Variants in CGB5 observed in about 807,000 individuals in gnomAD.
CGB5 encodes the protein chorionic gonadotropin subunit beta 5.
In CGB5, 2 loss-of-function variants were observed where a neutral mutation model predicts 7.6. That is an observed-to-expected ratio of 0.26 (90% CI 0.11 to 0.83). The LOEUF is 0.83. CGB5 is among the 40% of genes least tolerant of loss of function. The pLI is 0.65. For synonymous variants in CGB5, 25 were observed against 99.8 expected (o/e 0.25, Z 4.47); for missense variants, 48 against 228.2 (o/e 0.21, Z 5.09).
intron 1 of CGB5, 135 bp from the exon 2 acceptor site, chr19:49,044,442 C>T: frequency 1.4e-6 from 2 of 1,464,178 alleles, no homozygotes; most frequent in Admixed American, 5.0e-5. Flanking sequence ...AGGCAGGTGT[C>T]CGGGTGGTGG....
At chr19:49,044,409 T>C (rs2039917127) in intron 1 of CGB5, 168 bp from the exon 2 acceptor site, 1 of 982,014 alleles carries the variant, frequency 1.0e-6, no homozygotes, top group Admixed American at 6.2e-5. Context: ...TCAGGTCCTC[T>C]GGGCTGTGGG....
rs1414755484 is a variant in CGB5 at position 49,044,914 on chromosome 19, C to T, written c.184-66C>T. The T allele has an allele frequency of 1.8e-5, 29 of 1,591,484 alleles. 1 individual carries two copies. Among genetic ancestry groups the T allele is most frequent in the East Asian group, 2.2e-5 (1 of 44,834 alleles). ...CTGAGTCTGAGACCTGTGGGGGCAA[C>T]TGGGGAGCTCAGCTGAGGCGCTGGC... On this transcript the variant is annotated intron_variant, in intron 2 of 2. Coordinates refer to ENST00000301408, the MANE Select transcript of CGB5 (RefSeq NM_033043.2).
intron 1 of CGB5, 30 bp downstream of exon 1, chr19:49,044,254 C>A: frequency 6.2e-7 from 1 of 1,612,896 alleles, no homozygotes; most frequent in East Asian, 2.2e-5. Context: ...GGGCACCTTC[C>A]ACCTCCTTCC....
intron 1 of CGB5, 131 bp downstream of exon 1, chr19:49,044,355 G>A (rs2039916277): frequency 3.1e-6 from 5 of 1,603,944 alleles, no homozygotes; most frequent in South Asian, 1.1e-5. Context: ...TAAGCTTCAG[G>A]TGGGGCAGTT....
rs1379616139 is a variant in CGB5 at position 49,044,045 on chromosome 19, C to T, written c.-165C>T. Reference sequence around the variant, plus strand: ...GACCAGTGAGAGGAGAGGGCTGGGGCGCTCCGCTGAGCCACTCCTGCGCCC... The same window carrying T: ...GACCAGTGAGAGGAGAGGGCTGGGGTGCTCCGCTGAGCCACTCCTGCGCCC... On this transcript the variant is annotated 5_prime_UTR_variant, in exon 1 of 3. Coordinates refer to ENST00000301408, the MANE Select transcript of CGB5 (RefSeq NM_033043.2). 5.7e-5 allele frequency: 63 copies of T among 1,112,976 alleles called. No individual in the cohort carries two copies. Among genetic ancestry groups the T allele is most frequent in the South Asian group, 2.7e-4 (17 of 63,264 alleles). The allele number at this position is 1,112,976 out of a possible 1,614,324, so 68.9% of individuals were successfully genotyped here.
At position 49,044,250 on chromosome 19, in the gene CGB5, C is replaced by T. The variant is rs760156777; in HGVS notation, c.15+26C>T. On this transcript the variant is annotated intron_variant, in intron 1 of 2. Transcript: ENST00000301408. ...GTAAGACTGCAGGGCCCCTGGGCAC[C>T]TTCCACCTCCTTCCAGGCAATCACT... The T allele has an allele frequency of 4.3e-6, 7 of 1,612,846 alleles. No homozygotes were observed. In the South Asian group the frequency reaches 6.6e-5, roughly 15 times the overall value.
rs2122172214 is a variant in CGB5 at position 49,044,670 on chromosome 19, G to T, written c.109G>T (p.Ala37Ser). 2 of 1,572,216 alleles carry T rather than the reference G, an allele frequency of 1.3e-6. No homozygotes were observed. The highest frequency in any genetic ancestry group is 2.3e-5 in the East Asian group (1 of 44,208). Residue 37 changes from alanine (A) to serine (S), a missense_variant, in exon 2 of 3, where the codon GCT becomes TCT. Ala to Ser is a moderately conservative substitution (Grantham distance 99). Transcript: ENST00000301408. ...GTGCCGCCCCATCAATGCCACCCTG[G>T]CTGTGGAGAAGGAGGGCTGCCCCGT... ...PRCRPINATL[A>S]VEKEGCPVCI...
chr19:49,045,308 C>A lies in CGB5; in HGVS notation c.*14C>A. 6.2e-7 allele frequency: 1 copy of A among 1,611,342 alleles called. No homozygotes were observed. The highest frequency in any genetic ancestry group is 2.2e-5 in the East Asian group (1 of 44,874). ...CTCCCACAATAAAGGCTTCTCAATC[C>A]GCACTCTGGAGGTGTCTTTCTGTGG... On this transcript the variant is annotated 3_prime_UTR_variant, in exon 3 of 3. Coordinates refer to ENST00000301408, the MANE Select transcript of CGB5 (RefSeq NM_033043.2).
At position 49,045,264 on chromosome 19, in the gene CGB5, G is replaced by T; in HGVS notation, c.468G>T (p.Gly156=). ...TTCCAAGTCCATCCCGACTCCCGGG[G>T]CCCTCGGACACCCCGATCCTCCCAC... The part of the protein sequence containing the change: ...PSLPSPSRLP[G]PSDTPILPQ The change falls in exon 3 of 3, where the codon GGG becomes GGT. Residue 156 remains glycine (G), a synonymous_variant. Coordinates refer to ENST00000301408, the MANE Select transcript of CGB5 (RefSeq NM_033043.2). 1 of 1,608,626 alleles carries T rather than the reference G, an allele frequency of 6.2e-7. No homozygotes were observed. The highest frequency in any genetic ancestry group is 8.5e-7 in the Non-Finnish European group (1 of 1,178,496).
Position 49,044,179 on chromosome 19 carries a change from C to T in CGB5, c.-31C>T. On this transcript the variant is annotated 5_prime_UTR_variant, in exon 1 of 3. Transcript: ENST00000301408. ...GCCCCCACAACCCCGAGGTATAAAG[C>T]CAGGTACACGAGGCAGGGGACGCAC... 1 of 1,613,830 alleles carries T rather than the reference C, an allele frequency of 6.2e-7. No individual in the cohort carries two copies.
chr19:49,044,412 G>A (rs2039917146), intron 1 of CGB5, 165 bp from the exon 2 acceptor site: 2 of 982,298 alleles, frequency 2.0e-6, no homozygotes, highest in South Asian at 4.7e-5. Context: ...GGTCCTCTGG[G>A]CTGTGGGGTG....
Position 49,045,006 on chromosome 19 carries a change from G to C in CGB5, c.210G>C (p.Pro70=). The C allele has an allele frequency of 6.4e-7, 1 of 1,573,914 alleles. No individual in the cohort carries two copies. Among genetic ancestry groups the C allele is most frequent in the South Asian group, 1.1e-5 (1 of 88,988 alleles). The change falls in exon 3 of 3, where the codon CCG becomes CCC. Residue 70 remains proline, a synonymous_variant. Coordinates refer to ENST00000301408, the MANE Select transcript of CGB5 (RefSeq NM_033043.2). ...TMTRVLQGVL[P]ALPQVVCNYR... is the part of the protein sequence containing the mutation. The stretch of plus-strand genomic sequence containing the variant: ...CCCGCGTGCTGCAGGGGGTCCTGCC[G>C]GCCCTGCCTCAGGTGGTGTGCAACT...
chr19:49,045,223 G>A lies in CGB5; in HGVS notation c.427G>A (p.Ala143Thr), dbSNP rs780797948. ...PRFQDSSSSKAPPPSLPSPSR... is the reference protein window; with the variant it reads ...PRFQDSSSSKTPPPSLPSPSR... ...CTTCCAGGACTCCTCTTCCTCAAAG[G>A]CCCCTCCCCCCAGCCTTCCAAGTCC... The change falls in exon 3 of 3, where the codon GCC becomes ACC. Residue 143 changes from alanine (A) to threonine (T), a missense_variant. Around this residue, in one of 3 missense-constraint regions of CGB5, gnomAD observed 34 missense variants for 145.1 expected, o/e 0.23. Coordinates refer to ENST00000301408, the MANE Select transcript of CGB5 (RefSeq NM_033043.2). 3.1e-6 allele frequency: 5 copies of A among 1,597,172 alleles called. No homozygotes were observed. The highest frequency in any genetic ancestry group is 4.3e-6 in the Non-Finnish European group (5 of 1,172,666).
chr19:49,044,346 A>T lies in CGB5; in HGVS notation c.15+122A>T, dbSNP rs915970743. 331 of 1,605,218 alleles carry T rather than the reference A, an allele frequency of 2.1e-4. 1 individual carries two copies. The highest frequency in any genetic ancestry group is 2.7e-4 in the Non-Finnish European group (313 of 1,176,916). Reference sequence around the variant, plus strand: ...TTTCTGGAGGAGCGTGACCCCCAGTAAGCTTCAGGTGGGGCAGTTCCTAAG... The same window carrying T: ...TTTCTGGAGGAGCGTGACCCCCAGTTAGCTTCAGGTGGGGCAGTTCCTAAG... On this transcript the variant is annotated intron_variant, in intron 1 of 2. Transcript: ENST00000301408.
chr19:49,044,193 C>T lies in CGB5; in HGVS notation c.-17C>T. On this transcript the variant is annotated 5_prime_UTR_variant, in exon 1 of 3. Coordinates refer to ENST00000301408, the MANE Select transcript of CGB5 (RefSeq NM_033043.2). ...GAGGTATAAAGCCAGGTACACGAGG[C>T]AGGGGACGCACCAAGGATGGAGATG... 2 of 1,613,700 alleles carry T rather than the reference C, an allele frequency of 1.2e-6. No homozygotes were observed. Among genetic ancestry groups the T allele is most frequent in the Non-Finnish European group, 1.7e-6 (2 of 1,179,858 alleles).
Position 49,044,173 on chromosome 19 carries a change from A to G in CGB5, c.-37A>G. On this transcript the variant is annotated 5_prime_UTR_variant, in exon 1 of 3. Coordinates refer to ENST00000301408, the MANE Select transcript of CGB5 (RefSeq NM_033043.2). The stretch of plus-strand genomic sequence containing the variant: ...CTTGCCGCCCCCACAACCCCGAGGT[A>G]TAAAGCCAGGTACACGAGGCAGGGG... The G allele has an allele frequency of 6.2e-7, 1 of 1,612,954 alleles. No homozygotes were observed. The highest frequency in any genetic ancestry group is 8.5e-7 in the Non-Finnish European group (1 of 1,179,760).
Position 49,044,142 on chromosome 19 carries a change from G to T in CGB5, c.-68G>T, listed in dbSNP as rs2039913218. The T allele has an allele frequency of 1.9e-6, 3 of 1,613,746 alleles. No homozygotes were observed. Among genetic ancestry groups the T allele is most frequent in the Non-Finnish European group, 2.5e-6 (3 of 1,179,814 alleles). ...TCACCCCAGCATCCTACAACCTCCT[G>T]GTGGCCTTGCCGCCCCCACAACCCC... On this transcript the variant is annotated 5_prime_UTR_variant, in exon 1 of 3. Coordinates refer to ENST00000301408, the MANE Select transcript of CGB5 (RefSeq NM_033043.2).
At chr19:49,044,873 A>T in intron 2 of CGB5, 107 bp from the exon 3 acceptor site, 1 of 1,556,352 alleles carries the variant, frequency 6.4e-7, no homozygotes. Context: ...GCAGGAACAG[A>T]GGGCTTCCCG....
At chr19:49,044,443 C>G (rs1274791446) in intron 1 of CGB5, 134 bp from the exon 2 acceptor site, 10 of 1,461,396 alleles carry the variant, frequency 6.8e-6, no homozygotes, top group Non-Finnish European at 9.0e-6. Context: ...GGCAGGTGTC[C>G]GGGTGGTGGG....
Sources: allele counts gnomAD v4.1 joint callset, GRCh38; gene constraint gnomAD v4.1.1; regional missense constraint gnomAD v4.1.1; transcripts MANE v1.5; gene names NCBI Gene and HGNC (gene_info 2026-07-23, HGNC 2026-07-21).